STYK1: variants seen among roughly 807,000 people sequenced by gnomAD.
STYK1 encodes the protein STY kinase 1.
STYK1 carries 46 observed loss-of-function variants against 48.1 expected under a neutral mutation model. That is an observed-to-expected ratio of 0.96 (90% CI 0.75 to 1.22). The LOEUF (loss-of-function observed/expected upper bound fraction) is 1.22. STYK1 is among the 50% of genes most tolerant of loss of function. STYK1 has a pLI of 0.00. For synonymous variants in STYK1, 188 were observed against 189.0 expected (o/e 0.99, Z 0.04); for missense variants, 527 against 521.1 (o/e 1.01, Z -0.11).
intron 1 of STYK1, among the ~76,000 whole-genome samples, chr12:10,653,054 G>C (rs190275507): frequency 5.3e-4 from 80 of 152,200 alleles, no homozygotes; most frequent in African/African-American, 1.9e-3. Flanking sequence ...CCTTTGGCAA[G>C]TCAATTAACA....
intron 1 of STYK1, among the ~76,000 whole-genome samples, chr12:10,664,937 G>A (rs138513174): frequency 1.5e-3 from 230 of 152,280 alleles, no homozygotes; most frequent in African/African-American, 5.1e-3. Context: ...CATATTGCAT[G>A]TGGAAACCAA....
At chr12:10,665,018 A>T (rs1257288983) in intron 1 of STYK1, among the ~76,000 whole-genome samples, 1 of 151,486 alleles carries the variant, frequency 6.6e-6, no homozygotes, top group East Asian at 1.9e-4. Flanking sequence ...GGGACCTTCC[A>T]ATCATGAATC....
intron 7 of STYK1, among the ~76,000 whole-genome samples, chr12:10,625,840 T>A (rs1288506648): frequency 6.6e-6 from 1 of 152,116 alleles, no homozygotes; most frequent in Non-Finnish European, 1.5e-5. Flanking sequence ...TAAACCAAAA[T>A]GTAGGAAGAA....
At chr12:10,642,590 A>C (rs753043107) in intron 1 of STYK1, among the ~76,000 whole-genome samples, 1 of 152,216 alleles carries the variant, frequency 6.6e-6, no homozygotes, top group Non-Finnish European at 1.5e-5. Context: ...AAATAACAAA[A>C]TGAAACAAAA....
intron 1 of STYK1, among the ~76,000 whole-genome samples, chr12:10,658,168 G>C (rs1253011529): frequency 6.6e-6 from 1 of 152,182 alleles, no homozygotes; most frequent in East Asian, 1.9e-4. Context: ...GGTGTTCTTA[G>C]AGCAGTGATC....
intron 3 of STYK1, 142 bp from the exon 4 acceptor site, chr12:10,634,266 A>C: frequency 9.7e-7 from 1 of 1,025,782 alleles, no homozygotes; most frequent in Non-Finnish European, 1.4e-6. Flanking sequence ...TCCATTCAAC[A>C]GAAACACTGC....
intron 1 of STYK1, among the ~76,000 whole-genome samples, chr12:10,653,083 T>C (rs894246139): frequency 6.6e-6 from 1 of 152,098 alleles, no homozygotes; most frequent in African/African-American, 2.4e-5. Context: ...CTTTCTTTTT[T>C]TTTTTGTGAG....
intron 1 of STYK1, among the ~76,000 whole-genome samples, chr12:10,647,398 C>A (rs896719023): frequency 2.0e-5 from 3 of 152,198 alleles, no homozygotes; most frequent in African/African-American, 4.8e-5. Flanking sequence ...TTGTATGGGG[C>A]CTGTATCCCC....
intron 1 of STYK1, among the ~76,000 whole-genome samples, chr12:10,669,203 A>T (rs1403589687): frequency 6.6e-6 from 1 of 152,232 alleles, no homozygotes; most frequent in Non-Finnish European, 1.5e-5. Flanking sequence ...TAGAAAAATA[A>T]CCTATAGAAA....
At chr12:10,666,396 T>C (rs1339023594) in intron 1 of STYK1, among the ~76,000 whole-genome samples, 1 of 152,202 alleles carries the variant, frequency 6.6e-6, no homozygotes, top group Non-Finnish European at 1.5e-5. Context: ...GAATATAACA[T>C]AATACTGTCT....
chr12:10,658,062 C>T (rs1416115883), intron 1 of STYK1, among the ~76,000 whole-genome samples: 1 of 152,124 alleles, frequency 6.6e-6, no homozygotes, highest in African/African-American at 2.4e-5. Context: ...AAAAATTAAT[C>T]TTGTGAAGGA....
chr12:10,626,421 G>C (rs1195805936), intron 7 of STYK1, among the ~76,000 whole-genome samples: 1 of 152,076 alleles, frequency 6.6e-6, no homozygotes, highest in Non-Finnish European at 1.5e-5. Flanking sequence ...ACTCTCCCTT[G>C]TCCCATGGGA....
At chr12:10,638,809 T>C (rs1254627524) in intron 1 of STYK1, among the ~76,000 whole-genome samples, 3 of 152,226 alleles carry the variant, frequency 2.0e-5, no homozygotes, top group African/African-American at 7.2e-5. Flanking sequence ...AATTCCATGA[T>C]TGAACTCAGT....
chr12:10,647,529 T>C (rs1947613634), intron 1 of STYK1, among the ~76,000 whole-genome samples: 1 of 152,224 alleles, frequency 6.6e-6, no homozygotes, highest in Admixed American at 6.5e-5. Context: ...GGAAGTGACT[T>C]GCTTTGTCTC....
intron 1 of STYK1, among the ~76,000 whole-genome samples, chr12:10,664,737 C>T (rs531672759): frequency 2.0e-5 from 3 of 152,064 alleles, no homozygotes; most frequent in Non-Finnish European, 4.4e-5. Flanking sequence ...AATGTTAGCC[C>T]CCAAAAAAGC....
Position 10,627,641 on chromosome 12 carries a change from C to T in STYK1, c.717G>A (p.Leu239=). 1.2e-6 allele frequency: 2 copies of T among 1,612,468 alleles called. No homozygotes were observed. Among genetic ancestry groups the T allele is most frequent in the South Asian group, 1.1e-5 (1 of 90,646 alleles). The change falls in exon 7 of 11, where the codon CTG becomes CTA. Residue 239 remains leucine, a splice_region_variant and synonymous_variant. Coordinates refer to ENST00000075503, the MANE Select transcript of STYK1 (RefSeq NM_018423.3). ...CAGTTGTCATGTTGCCTCATCTTAC[C>T]AGCGCCAAAAGGACCTGCTTTCCGA... ...YHIGKQVLLA[L]EFLQEKHLFH... is the part of the protein sequence containing the mutation.
rs772194182 is a variant in STYK1 at position 10,622,023 on chromosome 12, G to A, written c.968-51C>T. 1.5e-5 allele frequency: 23 copies of A among 1,500,834 alleles called. 1 individual carries two copies. The South Asian group carries it at 2.5e-4, about 16-fold the overall frequency. 93.0% of individuals were successfully genotyped at this position (1,500,834 alleles called of 1,614,324 possible). A position where few individuals can be genotyped will look rare whatever the true frequency, so the allele number is the denominator to read the frequency against. Reference sequence around the variant, plus strand: ...TTTAAGGTCCTCTAAAATATGAACTGTAACTAACACTATTCTTCATCCACT... The same window carrying A: ...TTTAAGGTCCTCTAAAATATGAACTATAACTAACACTATTCTTCATCCACT... On this transcript the variant is annotated intron_variant, in intron 9 of 10. Coordinates refer to ENST00000075503, the MANE Select transcript of STYK1 (RefSeq NM_018423.3).
intron 2 of STYK1, among the ~76,000 whole-genome samples, chr12:10,635,612 T>G (rs192396626): frequency 2.6e-5 from 4 of 152,294 alleles, no homozygotes; most frequent in Non-Finnish European, 5.9e-5. Context: ...CAAAAAATAG[T>G]AGTGTAAAAT....
Position 10,620,023 on chromosome 12 carries a change from A to G in STYK1, c.*121T>C. ...GATTTCCCGAGAAATGTGTAAAGGA[A>G]GATCAAGAATCCATGTCCCATTTCT... On this transcript the variant is annotated 3_prime_UTR_variant, in exon 11 of 11. Coordinates refer to ENST00000075503, the MANE Select transcript of STYK1 (RefSeq NM_018423.3). 2 of 1,096,426 alleles carry G rather than the reference A, an allele frequency of 1.8e-6. No homozygotes were observed. Among genetic ancestry groups the G allele is most frequent in the Non-Finnish European group, 2.7e-6 (2 of 739,240 alleles). The allele number at this position is 1,096,426 out of a possible 1,614,324, so 67.9% of individuals were successfully genotyped here.
Sources: allele counts gnomAD v4.1 joint callset (sites outside exome capture counted in the v4.1 genomes callset), GRCh38; gene constraint gnomAD v4.1.1; transcripts MANE v1.5; gene names NCBI Gene and HGNC (gene_info 2026-07-23, HGNC 2026-07-21).